The following CLTCL1 variants were observed in gnomAD, a reference collection of about 807,000 sequenced individuals.
CLTCL1 encodes the protein clathrin heavy chain 2.
In CLTCL1, 159 loss-of-function variants were observed where a neutral mutation model predicts 190.0. The ratio of observed to expected loss-of-function variants is 0.84; its 90% CI spans 0.74 to 0.95. The LOEUF (loss-of-function observed/expected upper bound fraction) is 0.95. Among genes scored for constraint, CLTCL1 ranks in the 40% least tolerant of loss-of-function variants. The pLI, the probability that CLTCL1 is intolerant of heterozygous loss-of-function variation, is 0.00. For synonymous variants in CLTCL1, 752 were observed against 769.6 expected (o/e 0.98, Z 0.38); for missense variants, 1,878 against 2,033.4 (o/e 0.92, Z 1.47).
chr22:19,233,033 A>C (rs556883394), intron 9 of CLTCL1, 133 bp downstream of exon 9: 6 of 927,862 alleles, frequency 6.5e-6, no homozygotes, highest in Admixed American at 4.7e-5. Context: ...ATGAATAAAG[A>C]TCCTAACAGC....
intron 29 of CLTCL1, 44 bp from the exon 30 acceptor site, chr22:19,183,655 G>C (rs1555926969): frequency 1.9e-6 from 3 of 1,584,484 alleles, no homozygotes; most frequent in South Asian, 1.1e-5. Context: ...TGCAGGCAGA[G>C]GCTTTGTGCC....
intron 1 of CLTCL1, among the ~76,000 whole-genome samples, chr22:19,276,722 T>G (rs561441595): frequency 6.6e-6 from 1 of 152,198 alleles, no homozygotes; most frequent in Non-Finnish European, 1.5e-5. Flanking sequence ...CAGGCTGGAG[T>G]GCAGTGGTGC....
At chr22:19,202,725 C>T (rs540150297) in intron 22 of CLTCL1, among the ~76,000 whole-genome samples, 1 of 152,316 alleles carries the variant, frequency 6.6e-6, no homozygotes, top group East Asian at 1.9e-4. Context: ...CATGGCATCT[C>T]TCATGTTAAC....
intron 32 of CLTCL1, 62 bp from the exon 33 acceptor site, chr22:19,180,031 C>T (rs1466139108): frequency 1.6e-6 from 1 of 624,172 alleles, no homozygotes; most frequent in East Asian, 2.8e-5. Flanking sequence ...CCTCTCCTGG[C>T]TGCCCCTGAG....
chr22:19,207,668 T>G (rs2085093884), intron 22 of CLTCL1: 1 of 447,792 alleles, frequency 2.2e-6, no homozygotes, highest in Non-Finnish European at 3.9e-6. Context: ...CGAGTGAAGC[T>G]TCATCTGTAT....
At chr22:19,190,048 C>T (rs1004156724) in intron 27 of CLTCL1, among the ~76,000 whole-genome samples, 1 of 152,162 alleles carries the variant, frequency 6.6e-6, no homozygotes, top group Non-Finnish European at 1.5e-5. Context: ...TCAAGCGATT[C>T]TCCTGCCTCA....
chr22:19,236,919 C>T (rs2086098932), intron 5 of CLTCL1, among the ~76,000 whole-genome samples: 1 of 151,946 alleles, frequency 6.6e-6, no homozygotes, highest in African/African-American at 2.4e-5. Context: ...CTATCTTACT[C>T]TTTAGATCAA....
In CLTCL1 at chr22:19,180,536, TAC is replaced by T. The variant is rs561152518; in HGVS notation, c.4903+193_4903+194del. The stretch of plus-strand genomic sequence containing the variant: ...ACCCCTATCAGAAGGCAGGCATCCT[TAC>T]AGCAGGGAGGACAGCGGCCGTGCCA... On this transcript the variant is annotated intron_variant, in intron 31 of 32. Transcript: ENST00000427926. Among the ~76,000 whole-genome samples the T allele has an allele frequency of 4.1e-4, 62 of 152,232 alleles. 2 individuals are homozygous for T. In the South Asian group the frequency reaches 0.013, roughly 32 times the overall value.
At chr22:19,227,367 T>C (rs1282135056) in intron 11 of CLTCL1, among the ~76,000 whole-genome samples, 1 of 150,812 alleles carries the variant, frequency 6.6e-6, no homozygotes, top group African/African-American at 2.4e-5. Context: ...ACTGCTGCTT[T>C]GACCTCCCAG....
chr22:19,275,789 G>T lies in CLTCL1; in HGVS notation c.84C>A (p.Ser28Arg), dbSNP rs782063080. 9.9e-6 allele frequency: 16 copies of T among 1,608,538 alleles called. No homozygotes were observed. Among genetic ancestry groups the T allele is most frequent in the Non-Finnish European group, 1.4e-5 (16 of 1,177,520 alleles). Residue 28 changes from serine (S) to arginine (R), a missense_variant, in exon 2 of 33, where the codon AGC becomes AGA. Ser to Arg is a moderately radical substitution (Grantham distance 110). Transcript: ENST00000427926. ...LGINPANIGF[S>R]TLTMESDKFI... ...ACTTGTCAGATTCCATGGTCAGTGT[G>T]CTGAATCCAATGTTAGCTGGATTAA...
chr22:19,265,924 G>A (rs899228580), intron 2 of CLTCL1, among the ~76,000 whole-genome samples: 14 of 152,194 alleles, frequency 9.2e-5, no homozygotes, highest in Non-Finnish European at 1.2e-4. Flanking sequence ...CTAGGCTGGA[G>A]TGCAATGGCA....
chr22:19,283,905 T>G (rs905694917), intron 1 of CLTCL1, among the ~76,000 whole-genome samples: 2 of 149,348 alleles, frequency 1.3e-5, no homozygotes, highest in South Asian at 4.2e-4. Context: ...GGAACAAGAA[T>G]CGCTTGAAAC....
intron 29 of CLTCL1, among the ~76,000 whole-genome samples, chr22:19,185,981 G>A (rs1199825345): frequency 6.6e-6 from 1 of 152,190 alleles, no homozygotes; most frequent in Non-Finnish European, 1.5e-5. Context: ...ACCTCAGGAA[G>A]GATCACAAGC....
At position 19,185,984 on chromosome 22, in the gene CLTCL1, T is replaced by C. The variant is rs5748031; in HGVS notation, c.4605+1574A>G. Among the ~76,000 whole-genome samples the C allele has an allele frequency of 9.4e-3, 1,432 of 152,194 alleles. 33 individuals are homozygous for C. The highest frequency in any genetic ancestry group is 0.068 in the East Asian group (353 of 5,156). ...GGCCCTGTGGGCACCTCAGGAAGGA[T>C]CACAAGCACTGTCACCAAGGGCTAG... is the stretch of plus-strand genomic sequence containing the variant. On this transcript the variant is annotated intron_variant, in intron 29 of 32. Coordinates refer to ENST00000427926, the MANE Select transcript of CLTCL1 (RefSeq NM_007098.4).
intron 26 of CLTCL1, 104 bp downstream of exon 26, chr22:19,196,162 G>C (rs2084696224): frequency 1.7e-6 from 2 of 1,153,076 alleles, no homozygotes; most frequent in African/African-American, 1.5e-5. Context: ...ACACAGCATG[G>C]GGGCATGCTG....
At chr22:19,216,499 A>G (rs1251984066) in intron 18 of CLTCL1, among the ~76,000 whole-genome samples, 1 of 152,260 alleles carries the variant, frequency 6.6e-6, no homozygotes, top group Non-Finnish European at 1.5e-5. Context: ...CTCAGCTCCA[A>G]TGACCAGTGC....
intron 3 of CLTCL1, among the ~76,000 whole-genome samples, chr22:19,248,723 T>C (rs2086496948): frequency 1.3e-5 from 2 of 152,210 alleles, no homozygotes. Flanking sequence ...ATTCATGATG[T>C]ATTTTTAGTA....
intron 29 of CLTCL1, chr22:19,184,451 A>AC: frequency 4.4e-6 from 2 of 455,812 alleles, no homozygotes; most frequent in Admixed American, 2.4e-5. Context: ...ATCTGCATGG[A>AC]CCCGATGTGC....
rs2084208840 is a variant in CLTCL1, at chr22:19,183,487, A to G, written c.4730T>C (p.Leu1577Pro). 3.1e-6 allele frequency: 5 copies of G among 1,609,972 alleles called. No individual in the cohort carries two copies. The highest frequency in any genetic ancestry group is 4.2e-6 in the Non-Finnish European group (5 of 1,179,784). Reference sequence around the variant, plus strand: ...CAGCTCAAGCACCATGTCTGGGCGAAGCAGGTCATAGCAGGTGAAGAGACA... The same window carrying G: ...CAGCTCAAGCACCATGTCTGGGCGAGGCAGGTCATAGCAGGTGAAGAGACA... ...AACLFTCYDL[L>P]RPDMVLELAW... Residue 1577 changes from leucine (L) to proline (P), a missense_variant, in exon 30 of 33, where the codon CTT becomes CCT. Leu to Pro is a moderately conservative substitution (Grantham distance 98). Coordinates refer to ENST00000427926, the MANE Select transcript of CLTCL1 (RefSeq NM_007098.4).
Sources: allele counts gnomAD v4.1 joint callset (sites outside exome capture counted in the v4.1 genomes callset), GRCh38; gene constraint gnomAD v4.1.1; transcripts MANE v1.5; gene names NCBI Gene and HGNC (gene_info 2026-07-23, HGNC 2026-07-21).